HERC1: variants seen among roughly 807,000 people sequenced by gnomAD.
HERC1 encodes the protein probable E3 ubiquitin-protein ligase HERC1.
Under a neutral mutation model 554.3 loss-of-function variants are expected in HERC1, and 160 were observed. The observed-to-expected ratio is 0.29, with a 90% CI of 0.25 to 0.33. The LOEUF (loss-of-function observed/expected upper bound fraction) is 0.33. HERC1 is among the 10% of genes least tolerant of loss of function. The probability of loss-of-function intolerance (pLI) is 1.00; values close to 1 mark genes in which losing one functional copy is unlikely to be tolerated. For synonymous variants in HERC1, 2,175 were observed against 2,131.7 expected, an observed-to-expected ratio of 1.02 and a Z score of -0.56; for missense variants, 4,919 against 5,918.5, an observed-to-expected ratio of 0.83 and a Z score of 5.54.
At chr15:63,762,150 C>T (rs1373619657) in intron 3 of HERC1, among the ~76,000 whole-genome samples, 2 of 151,986 alleles carry the variant, frequency 1.3e-5, no homozygotes, top group African/African-American at 2.4e-5. Context: ...AACAATGAAA[C>T]GTATCAGAAA....
chr15:63,644,877 T>A, intron 57 of HERC1, 115 bp downstream of exon 57: 4 of 705,118 alleles, frequency 5.7e-6, no homozygotes, highest in South Asian at 5.7e-5. Flanking sequence ...TATTTCCCAA[T>A]GGATCTTGCC....
At chr15:63,743,251 TTTTTTC>T (rs1321468684) in intron 12 of HERC1, among the ~76,000 whole-genome samples, 1 of 135,142 alleles carries the variant, frequency 7.4e-6, no homozygotes, top group South Asian at 2.3e-4. Flanking sequence ...TTTTTTTTCT[TTTTTTC>T]TTTTTCTTTT....
rs781307112 is a variant in HERC1 at position 63,692,317 on chromosome 15, G to A, written c.5830+94C>T. Reference sequence around the variant, plus strand: ...AAGAAAGAAAAGCCTTCAAATCAAGGTTACACATGGAGTGTTGCTAAAGTC... The same window carrying A: ...AAGAAAGAAAAGCCTTCAAATCAAGATTACACATGGAGTGTTGCTAAAGTC... On this transcript the variant is annotated intron_variant, in intron 31 of 77. Transcript: ENST00000443617. The surrounding 1 kb of genome is among the most constrained non-coding windows in gnomAD (Gnocchi z 4.7). 4.2e-5 allele frequency: 38 copies of A among 906,676 alleles called. No homozygotes were observed. The highest frequency in any genetic ancestry group is 2.0e-4 in the Admixed American group (7 of 35,222). 56.2% of individuals were successfully genotyped at this position (906,676 alleles called of 1,614,324 possible).
In HERC1 at chr15:63,637,990, A is replaced by G. The variant is rs577818401; in HGVS notation, c.12094-347T>C. 7.9e-5 allele frequency among the ~76,000 whole-genome samples: 12 copies of G among 152,326 alleles called. No individual in the cohort carries two copies. The East Asian group carries it at 2.3e-3, about 29-fold the overall frequency. On this transcript the variant is annotated intron_variant, in intron 63 of 77. Transcript: ENST00000443617. ...CATGCAATCTGGACTAGCTGAGGTA[A>G]AGAAGAGCAAAAGAGAAAGCAGAGG...
rs112382815 is a variant in HERC1, at chr15:63,612,565, G to A, written c.14095-9C>T. ...TCTCGGACTGCAGCCACCTGCTCCC[G>A]GGAGAGGTTGCTCATTCAATGAGTG... is the stretch of plus-strand genomic sequence containing the variant. On this transcript the variant is annotated splice_polypyrimidine_tract_variant and intron_variant, in intron 76 of 77. Coordinates refer to ENST00000443617, the MANE Select transcript of HERC1 (RefSeq NM_003922.4). This position sits in a 1 kb window ranked among gnomAD's most constrained non-coding sequence, Gnocchi z 5.0. 19 of 1,608,606 alleles carry A rather than the reference G, an allele frequency of 1.2e-5. No homozygotes were observed. The highest frequency in any genetic ancestry group is 1.7e-5 in the Admixed American group (1 of 59,842).
intron 45 of HERC1, 50 bp downstream of exon 45, chr15:63,661,703 G>T: frequency 6.4e-7 from 1 of 1,573,572 alleles, no homozygotes; most frequent in Non-Finnish European, 8.7e-7. Flanking sequence ...CAAGACTTAA[G>T]GTATGAGGTA....
At chr15:63,624,041 T>G in intron 72 of HERC1, 117 bp downstream of exon 72, 1 of 1,230,938 alleles carries the variant, frequency 8.1e-7, no homozygotes, top group South Asian at 1.4e-5. Context: ...CTAATGTAAG[T>G]ACTATTACTA....
At chr15:63,614,222 AG>A (rs2067720257) in intron 76 of HERC1, among the ~76,000 whole-genome samples, 1 of 152,196 alleles carries the variant, frequency 6.6e-6, no homozygotes, top group South Asian at 2.1e-4. Context: ...CCTCAGAAGA[AG>A]GGTCATCAGA....
Position 63,651,263 on chromosome 15 carries a change from C to A in HERC1, c.10536G>T (p.Trp3512Cys). 1 of 1,613,698 alleles carries A rather than the reference C, an allele frequency of 6.2e-7. No individual in the cohort carries two copies. Among genetic ancestry groups the A allele is most frequent in the East Asian group, 2.2e-5 (1 of 44,866 alleles). The change falls in exon 53 of 78, where the codon TGG becomes TGT. Residue 3512 changes from tryptophan (W) to cysteine (C), a missense_variant. By Grantham distance (215) the Trp-to-Cys change is radical. This residue lies in a region of HERC1 where 1,963 missense variants were observed against 2,228.6 expected (regional missense o/e 0.88). Coordinates refer to ENST00000443617, the MANE Select transcript of HERC1 (RefSeq NM_003922.4). ...AGALEKMVNI[W>C]QVNGGKGLVD... is the part of the protein sequence containing the mutation. ...TTACATGACTCTTACCATTAACTTG[C>A]CAGATATTCACCATCTTTTCCAAAG...
rs771488988 is a variant in HERC1 at position 63,651,289 on chromosome 15, C to T, written c.10510G>A (p.Ala3504Thr). 9.3e-6 allele frequency: 15 copies of T among 1,613,698 alleles called. No homozygotes were observed. The East Asian group carries it at 1.1e-4, about 12-fold the overall frequency. Residue 3504 changes from alanine to threonine, a missense_variant, in exon 53 of 78, where the codon GCT (alanine) becomes ACT (threonine). Physicochemically the swap from Ala to Thr is moderately conservative, Grantham distance 58. This residue lies in a region of HERC1 where 1,963 missense variants were observed against 2,228.6 expected (regional missense o/e 0.88). Transcript: ENST00000443617. The stretch of plus-strand genomic sequence containing the variant: ...CAGATATTCACCATCTTTTCCAAAG[C>T]GCCTGCTAGATATTTGCCACTGATA... ...WSISGKYLAGALEKMVNIWQV... is the reference protein window; with the variant it reads ...WSISGKYLAGTLEKMVNIWQV...
At chr15:63,720,102 C>CTTTTTTTTTTTTTTTTT (rs1214451219) in intron 19 of HERC1, among the ~76,000 whole-genome samples, 2 of 20,960 alleles carry the variant, frequency 9.5e-5, no homozygotes, top group Non-Finnish European at 2.8e-4. Context: ...CTTTTTCTTC[C>CTTTTTTTTTTTTTTTTT]CTTTTTTTTT....
At chr15:63,616,334 A>G in intron 75 of HERC1, 96 bp downstream of exon 75, 1 of 1,296,012 alleles carries the variant, frequency 7.7e-7, no homozygotes, top group Non-Finnish European at 1.1e-6. Context: ...GCCAGACAGC[A>G]AGTGGAAGAC....
In HERC1 at chr15:63,638,790, G is replaced by T; in HGVS notation, c.11902-14C>A. The T allele has an allele frequency of 1.2e-6, 2 of 1,606,886 alleles. No homozygotes were observed. Among genetic ancestry groups the T allele is most frequent in the Non-Finnish European group, 1.7e-6 (2 of 1,173,718 alleles). On this transcript the variant is annotated splice_polypyrimidine_tract_variant and intron_variant, in intron 61 of 77. Transcript: ENST00000443617. ...TTTACTGTTATCCTGAAAAACAGGGGGTACATAATGATCAATTCTGCTTAG... is the reference window on the plus strand; with the variant it reads ...TTTACTGTTATCCTGAAAAACAGGGTGTACATAATGATCAATTCTGCTTAG...
At chr15:63,814,903 A>C (rs1165195283) in intron 1 of HERC1, among the ~76,000 whole-genome samples, 1 of 152,266 alleles carries the variant, frequency 6.6e-6, no homozygotes, top group African/African-American at 2.4e-5. Context: ...ATTTTAATGC[A>C]ATGTACTAAT....
chr15:63,771,092 G>A (rs1463312808), intron 2 of HERC1, among the ~76,000 whole-genome samples: 1 of 151,994 alleles, frequency 6.6e-6, no homozygotes, highest in African/African-American at 2.4e-5. Flanking sequence ...GGGAGGCTGA[G>A]GCACGAGAAT....
At chr15:63,629,711 GA>G (rs2068463488) in intron 69 of HERC1, among the ~76,000 whole-genome samples, 2 of 152,194 alleles carry the variant, frequency 1.3e-5, no homozygotes, top group Non-Finnish European at 2.9e-5. Context: ...TTAATGCAGT[GA>G]TGAGGAGACC....
chr15:63,720,225 T>A (rs952525619), intron 19 of HERC1, among the ~76,000 whole-genome samples: 1 of 150,910 alleles, frequency 6.6e-6, no homozygotes, highest in African/African-American at 2.4e-5. Context: ...TGCCTCAGCC[T>A]CCTAAGTAGC....
chr15:63,763,375 T>C (rs1025197648), intron 3 of HERC1, among the ~76,000 whole-genome samples: 1 of 152,026 alleles, frequency 6.6e-6, no homozygotes, highest in Admixed American at 6.6e-5. Flanking sequence ...CTGAGACTGA[T>C]CAAGCCTCTG....
chr15:63,829,538 T>C (rs1445585375), intron 1 of HERC1, among the ~76,000 whole-genome samples: 13 of 64,376 alleles, frequency 2.0e-4, no homozygotes, highest in Non-Finnish European at 3.6e-4. Context: ...TGTGCACATA[T>C]ATGTATGTGT....
Sources: gnomAD v4.1 joint callset for allele counts (sites outside exome capture counted in the v4.1 genomes callset) on GRCh38, gnomAD v4.1.1 for gene constraint, gnomAD v4.1.1 regional missense constraint, Gnocchi (gnomAD v3.1) non-coding constraint, MANE v1.5 for transcripts, NCBI Gene and HGNC (gene_info 2026-07-23, HGNC 2026-07-21) for gene names.